PCCB: variants seen among roughly 807,000 people sequenced by gnomAD.
PCCB encodes propionyl-CoA carboxylase subunit beta, also known as propionyl-CoA carboxylase beta chain, mitochondrial.
In PCCB, 43 loss-of-function variants were observed where a neutral mutation model predicts 60.7. The observed-to-expected ratio is 0.71, with a 90% CI of 0.55 to 0.91. The LOEUF (loss-of-function observed/expected upper bound fraction) is 0.91. Ranked by LOEUF, PCCB falls within the 40% of genes least tolerant of loss-of-function variation. The pLI, the probability that PCCB is intolerant of heterozygous loss-of-function variation, is 0.00. For missense variants in PCCB, 766 were observed against 702.8 expected (o/e 1.09, Z -1.02); for synonymous variants, 276 against 255.9 (o/e 1.08, Z -0.75).
intron 5 of PCCB, among the ~76,000 whole-genome samples, chr3:136,267,650 A>T (rs1312491307): frequency 6.6e-6 from 1 of 151,586 alleles, no homozygotes. Flanking sequence ...ACATCTGGCA[A>T]TTTTTTTTCA....
At position 136,281,577 on chromosome 3, in the gene PCCB, C is replaced by T. The variant is rs372284048; in HGVS notation, c.544-2260C>T. Reference sequence around the variant, plus strand: ...CTCATTGAACATATTTAAGACAGTTCATGTGCCATCTTTGACTATTAAGTC... The same window carrying T: ...CTCATTGAACATATTTAAGACAGTTTATGTGCCATCTTTGACTATTAAGTC... On this transcript the variant is annotated intron_variant, in intron 5 of 14. Transcript: ENST00000251654. Among the ~76,000 whole-genome samples, 5 of 152,198 alleles carry T rather than the reference C, an allele frequency of 3.3e-5. No individual in the cohort carries two copies. The East Asian group carries it at 7.7e-4, about 24-fold the overall frequency.
chr3:136,277,690 G>A (rs1341300716), intron 5 of PCCB, among the ~76,000 whole-genome samples: 1 of 152,170 alleles, frequency 6.6e-6, no homozygotes, highest in Non-Finnish European at 1.5e-5. Flanking sequence ...ATCGCACAGT[G>A]TGTGGGGAGT....
intron 9 of PCCB, among the ~76,000 whole-genome samples, chr3:136,304,065 T>C (rs1431244776): frequency 8.2e-6 from 1 of 121,930 alleles, no homozygotes; most frequent in African/African-American, 2.5e-5. Context: ...TGTGTCTCTT[T>C]GGCTTCTGGA....
rs560080578 is a variant in PCCB, at chr3:136,316,912, T to G, written c.967-29T>G. 46 of 1,613,070 alleles carry G rather than the reference T, an allele frequency of 2.9e-5. No individual in the cohort carries two copies. The South Asian group carries it at 4.5e-4, about 16-fold the overall frequency. On this transcript the variant is annotated intron_variant, in intron 9 of 14. Coordinates refer to ENST00000251654, the MANE Select transcript of PCCB (RefSeq NM_000532.5). The stretch of plus-strand genomic sequence containing the variant: ...CATCTTATACTTGTCTTTACCATTT[T>G]GAGCTCAGAAGTAAATTTATTCCTG...
Position 136,255,849 on chromosome 3 carries a change from A to T in PCCB, c.184-7A>T, listed in dbSNP as rs1941659337. ...GACATCACTGAGTGATCTTTGTTCCATTGTAGGGAAAGCTAACAGCCAGGG... is the reference window on the plus strand; with the variant it reads ...GACATCACTGAGTGATCTTTGTTCCTTTGTAGGGAAAGCTAACAGCCAGGG... On this transcript the variant is annotated splice_region_variant and splice_polypyrimidine_tract_variant and intron_variant, in intron 1 of 14. Coordinates refer to ENST00000251654, the MANE Select transcript of PCCB (RefSeq NM_000532.5). 1 of 1,613,500 alleles carries T rather than the reference A, an allele frequency of 6.2e-7. No individual in the cohort carries two copies. The highest frequency in any genetic ancestry group is 8.5e-7 in the Non-Finnish European group (1 of 1,179,394).
At chr3:136,286,803 G>A (rs1933431562) in intron 6 of PCCB, among the ~76,000 whole-genome samples, 1 of 152,060 alleles carries the variant, frequency 6.6e-6, no homozygotes, top group African/African-American at 2.4e-5. Context: ...GGCTGAGGCG[G>A]GTGGATCACT....
chr3:136,252,933 C>T (rs1320592380), intron 1 of PCCB, among the ~76,000 whole-genome samples: 2 of 149,052 alleles, frequency 1.3e-5, no homozygotes, highest in Non-Finnish European at 3.0e-5. Context: ...AATGCAACCT[C>T]ACCAGCTTTG....
At chr3:136,255,216 A>AT (rs1941637091) in intron 1 of PCCB, 1 of 155,614 alleles carries the variant, frequency 6.4e-6, no homozygotes, top group South Asian at 2.0e-4. Context: ...GCTCTTTAGC[A>AT]TTTTGTGTCC....
At chr3:136,256,664 C>A in intron 3 of PCCB, 41 bp downstream of exon 3, 1 of 1,360,068 alleles carries the variant, frequency 7.4e-7, no homozygotes. Flanking sequence ...TCTTGGAGGG[C>A]AGAGCCAAGA....
At position 136,271,811 on chromosome 3, in the gene PCCB, A is replaced by T. The variant is rs185331364; in HGVS notation, c.543+9746A>T. On this transcript the variant is annotated intron_variant, in intron 5 of 14. Transcript: ENST00000251654. ...TATGATCATATCACTGATAAACAGT[A>T]CTTGTTTGACTTCCTCTTTTCCAAT... Among the ~76,000 whole-genome samples the T allele has an allele frequency of 1.1e-4, 17 of 152,234 alleles. No homozygotes were observed. In the East Asian group the frequency reaches 3.3e-3, roughly 29 times the overall value.
At chr3:136,260,710 ATG>A (rs1475820481) in intron 4 of PCCB, among the ~76,000 whole-genome samples, 175 bp downstream of exon 4, 2 of 152,220 alleles carry the variant, frequency 1.3e-5, no homozygotes, top group African/African-American at 2.4e-5. Context: ...GATCTCTTCC[ATG>A]GGCTGGCAAA....
chr3:136,256,024 G>T, intron 2 of PCCB, 49 bp downstream of exon 2: 1 of 1,613,190 alleles, frequency 6.2e-7, no homozygotes, highest in Non-Finnish European at 8.5e-7. Context: ...TGGCTCAGCT[G>T]GCCTACCCAC....
intron 9 of PCCB, among the ~76,000 whole-genome samples, chr3:136,313,498 A>G (rs560332482): frequency 1.3e-5 from 2 of 152,326 alleles, no homozygotes; most frequent in East Asian, 1.9e-4. Context: ...GTTACTTTCC[A>G]TGTAAGAAGG....
Position 136,260,503 on chromosome 3 carries a change from C to G in PCCB, c.397C>G (p.Leu133Val), listed in dbSNP as rs1941791843. Residue 133 changes from leucine to valine, a missense_variant, in exon 4 of 15, where the codon CTG (leucine) becomes GTG (valine). Transcript: ENST00000251654. Reference protein sequence around the residue: ...SQDFTVFGGSLSGAHAQKICK... With the variant: ...SQDFTVFGGSVSGAHAQKICK... ...GGATTTTACAGTTTTTGGAGGCAGT[C>G]TGTCAGGAGCACATGCCCAAAAGAT... 6.2e-7 allele frequency: 1 copy of G among 1,613,692 alleles called. No homozygotes were observed. Among genetic ancestry groups the G allele is most frequent in the African/African-American group, 1.3e-5 (1 of 75,062 alleles).
chr3:136,256,239 T>A (rs950013507), intron 2 of PCCB: 2 of 569,384 alleles, frequency 3.5e-6, no homozygotes, highest in African/African-American at 3.7e-5. Flanking sequence ...GACCGTACCC[T>A]GCCTTGTGTT....
In PCCB at chr3:136,328,783, G is replaced by T. The variant is rs1381206211; in HGVS notation, c.1424G>T (p.Gly475Val). 1.2e-6 allele frequency: 2 copies of T among 1,614,130 alleles called. No homozygotes were observed. Among genetic ancestry groups the T allele is most frequent in the South Asian group, 2.2e-5 (2 of 91,082 alleles). ...GGCGCTGTGGAGATCATCTTCAAAG[G>T]GCATGAGAATGTGGAAGCTGCTCAG... ...AKGAVEIIFKGHENVEAAQAE... is the reference protein window; with the variant it reads ...AKGAVEIIFKVHENVEAAQAE... The change falls in exon 14 of 15, where the codon GGG (glycine) becomes GTG (valine). Residue 475 changes from glycine (G) to valine (V), a missense_variant. Coordinates refer to ENST00000251654, the MANE Select transcript of PCCB (RefSeq NM_000532.5).
chr3:136,263,975 GCA>G (rs1197598091), intron 5 of PCCB, among the ~76,000 whole-genome samples: 1 of 150,444 alleles, frequency 6.6e-6, no homozygotes, highest in East Asian at 2.0e-4. Context: ...TTGTGCCATT[GCA>G]CTCCAACCTG....
At chr3:136,253,499 G>A (rs764055544) in intron 1 of PCCB, among the ~76,000 whole-genome samples, 51 of 150,288 alleles carry the variant, frequency 3.4e-4, no homozygotes, top group Admixed American at 8.0e-4. Flanking sequence ...ATTCTCCTGC[G>A]TTAGCCTCTT....
At chr3:136,268,053 TGTGTGTGTGTGC>T (rs1458567852) in intron 5 of PCCB, among the ~76,000 whole-genome samples, 4 of 101,996 alleles carry the variant, frequency 3.9e-5, no homozygotes, top group Admixed American at 2.4e-4. Context: ...CTGGCTAGTG[TGTGTGTGTGTGC>T]GTGTGTGTGT....
Sources: allele counts gnomAD v4.1 joint callset (sites outside exome capture counted in the v4.1 genomes callset), GRCh38; gene constraint gnomAD v4.1.1; transcripts MANE v1.5; gene names NCBI Gene and HGNC (gene_info 2026-07-23, HGNC 2026-07-21).